The following TRMT11 variants were observed in gnomAD, a reference collection of about 807,000 sequenced individuals.
The protein encoded by TRMT11 is tRNA (guanine(10)-N(2))-methyltransferase TRMT11.
A neutral mutation model predicts 62.8 loss-of-function variants in TRMT11; 53 were observed. That is an observed-to-expected ratio of 0.84 (90% confidence interval 0.68 to 1.06). TRMT11 has a LOEUF of 1.06. Ranked by LOEUF, TRMT11 falls within the 50% of genes least tolerant of loss-of-function variation. TRMT11 has a pLI of 0.00. For synonymous variants in TRMT11, 188 were observed against 190.3 expected, an observed-to-expected ratio of 0.99 and a Z score of 0.10; for missense variants, 556 against 553.4, an observed-to-expected ratio of 1.00 and a Z score of -0.05.
the TRMT11 span, among the ~76,000 whole-genome samples, chr6:126,268,990 G>A: frequency 2.6e-5 from 4 of 151,740 alleles, no homozygotes; most frequent in East Asian, 1.9e-4. Context: ...GGCCGGGCGC[G>A]GTGGCTCACG....
chr6:126,081,418 G>A (rs1451722896), intron 17 of TRMT11, among the ~76,000 whole-genome samples: 1 of 152,012 alleles, frequency 6.6e-6, no homozygotes. Context: ...AAAATGTAGG[G>A]GACACTGGTC....
intron 1 of TRMT11, among the ~76,000 whole-genome samples, chr6:125,987,573 G>T (rs1789868233): frequency 6.6e-6 from 1 of 152,180 alleles, no homozygotes; most frequent in Admixed American, 6.5e-5. Flanking sequence ...GATTTGAAAA[G>T]AATAAGACTT....
intron 17 of TRMT11, among the ~76,000 whole-genome samples, chr6:126,098,427 A>G (rs750483067): frequency 2.0e-5 from 3 of 152,220 alleles, no homozygotes; most frequent in Admixed American, 6.5e-5. Context: ...TTATAAAAGC[A>G]TACTTCAGAT....
intron 2 of TRMT11, among the ~76,000 whole-genome samples, chr6:125,995,229 A>T (rs1256141030): frequency 6.6e-6 from 1 of 152,178 alleles, no homozygotes; most frequent in Non-Finnish European, 1.5e-5. Context: ...GTAGTGTTGG[A>T]CTTTTATTCC....
chr6:126,076,616 C>T (rs1777031229), intron 17 of TRMT11, among the ~76,000 whole-genome samples: 1 of 152,168 alleles, frequency 6.6e-6, no homozygotes, highest in South Asian at 2.1e-4. Flanking sequence ...ACCATCCTTT[C>T]ACTCCTTTGT....
intron 1 of TRMT11, among the ~76,000 whole-genome samples, chr6:125,989,340 A>G (rs1790230074): frequency 6.6e-6 from 1 of 151,800 alleles, no homozygotes. Context: ...GTTGGCCAGG[A>G]TAGTCTCGGT....
the TRMT11 span, among the ~76,000 whole-genome samples, chr6:126,226,586 G>A: frequency 6.6e-6 from 1 of 152,132 alleles, no homozygotes; most frequent in African/African-American, 2.4e-5. Flanking sequence ...TTATAGAAAT[G>A]TAAATATTAT....
chr6:126,245,749 A>T, the TRMT11 span, among the ~76,000 whole-genome samples: 2 of 152,194 alleles, frequency 1.3e-5, no homozygotes, highest in Admixed American at 1.3e-4. Flanking sequence ...CTAGAGTTTT[A>T]GTCTCCAGTT....
Position 125,996,126 on chromosome 6 carries a change from T to G in TRMT11, c.212+86T>G, listed in dbSNP as rs1791467908. 9 of 909,248 alleles carry G rather than the reference T, an allele frequency of 9.9e-6. No individual in the cohort carries two copies. In the South Asian group the frequency reaches 1.4e-4, roughly 14 times the overall value. 56.3% of individuals were successfully genotyped at this position (909,248 alleles called of 1,614,324 possible). A position where few individuals can be genotyped will look rare whatever the true frequency, so the allele number is the denominator to read the frequency against. On this transcript the variant is annotated intron_variant, in intron 3 of 12. Transcript: ENST00000334379. ...CTGTTTTTTGCTATATTGGGCAGTG[T>G]GAAGGCTCAGTTTAGCTTGCAGTTA... is the stretch of plus-strand genomic sequence containing the variant.
At chr6:126,166,428 C>T (rs1778264393) in intron 21 of TRMT11, among the ~76,000 whole-genome samples, 1 of 152,148 alleles carries the variant, frequency 6.6e-6, no homozygotes, top group Admixed American at 6.5e-5. Context: ...TGGAGTTCCA[C>T]TCCAGACCCT....
chr6:126,074,517 A>T (rs966998023), intron 17 of TRMT11, among the ~76,000 whole-genome samples: 1 of 152,202 alleles, frequency 6.6e-6, no homozygotes, highest in African/African-American at 2.4e-5. Flanking sequence ...CAAGAAGGCC[A>T]TTCAAATGGA....
At chr6:126,215,065 A>AT in the TRMT11 span, among the ~76,000 whole-genome samples, 1,324 of 147,768 alleles carry the variant, frequency 9.0e-3, 23 homozygotes, top group African/African-American at 0.028. Context: ...ATATAATTTC[A>AT]TTTTTTTTTT....
downstream of TRMT11, chr6:126,039,394 C>T (rs1023669334): frequency 6.6e-6 from 1 of 152,094 alleles, no homozygotes; most frequent in South Asian, 2.1e-4. Context: ...AAGGCTAAGA[C>T]CTGACAACCT....
At chr6:125,999,405 C>G (rs1026264232) in intron 6 of TRMT11, 52 bp from the exon 7 acceptor site, 5 of 1,421,330 alleles carry the variant, frequency 3.5e-6, no homozygotes, top group Non-Finnish European at 4.7e-6. Context: ...GAGTGATTAT[C>G]TTAAGTCTAT....
intron 1 of TRMT11, among the ~76,000 whole-genome samples, chr6:126,197,164 C>A (rs1562346547): frequency 6.6e-6 from 1 of 152,176 alleles, no homozygotes; most frequent in Non-Finnish European, 1.5e-5. Context: ...TCTGGTCACT[C>A]CCTCTGCAGT....
intron 17 of TRMT11, among the ~76,000 whole-genome samples, chr6:126,086,476 C>T (rs1777218017): frequency 6.6e-6 from 1 of 152,122 alleles, no homozygotes; most frequent in Non-Finnish European, 1.5e-5. Context: ...CTCTCAAATT[C>T]ATCCCTTTTT....
intron 16 of TRMT11, among the ~76,000 whole-genome samples, chr6:126,046,305 C>G (rs1583839746): frequency 6.6e-6 from 1 of 152,136 alleles, no homozygotes; most frequent in East Asian, 1.9e-4. Context: ...GTCTGAAGAC[C>G]ATGTGTCCAT....
chr6:126,015,209 T>C (rs1254543471), intron 11 of TRMT11, among the ~76,000 whole-genome samples: 1 of 151,986 alleles, frequency 6.6e-6, no homozygotes, highest in Non-Finnish European at 1.5e-5. Context: ...TCCCCCCGAC[T>C]CCTGCACATA....
chr6:126,095,423 A>G (rs1387369011), intron 17 of TRMT11, among the ~76,000 whole-genome samples: 4 of 152,206 alleles, frequency 2.6e-5, no homozygotes, highest in African/African-American at 9.6e-5. Flanking sequence ...ATCCTGCCCT[A>G]GGATGGAGTT....
Sources: allele counts gnomAD v4.1 joint callset (sites outside exome capture counted in the v4.1 genomes callset), GRCh38; gene constraint gnomAD v4.1.1; transcripts MANE v1.5; gene names NCBI Gene and HGNC (gene_info 2026-07-23, HGNC 2026-07-21).